The following ACTR8 variants were observed in gnomAD, a reference collection of about 807,000 sequenced individuals.
The protein encoded by ACTR8 is actin-related protein 8.
In ACTR8, 70 loss-of-function variants were observed where a neutral mutation model predicts 84.3. The ratio of observed to expected loss-of-function variants is 0.83; its 90% CI spans 0.68 to 1.01. The LOEUF is 1.01. ACTR8 is among the 50% of genes least tolerant of loss of function. ACTR8 has a pLI of 0.00. For synonymous variants in ACTR8, 268 were observed against 275.2 expected (o/e 0.97, Z 0.26); for missense variants, 672 against 775.4 (o/e 0.87, Z 1.58).
chr3:53,872,280 T>C, intron 10 of ACTR8, 104 bp downstream of exon 10: 1 of 1,253,454 alleles, frequency 8.0e-7, no homozygotes, highest in Middle Eastern at 2.1e-4. Flanking sequence ...ATATCAGTGT[T>C]ATTATGCTGG....
Position 53,877,392 on chromosome 3 carries a change from A to G in ACTR8, c.511-5T>C, listed in dbSNP as rs758388094. On this transcript the variant is annotated splice_polypyrimidine_tract_variant and splice_region_variant and intron_variant, in intron 4 of 12. Transcript: ENST00000335754. ...CAGTGGATTAACATACAAGGCCTAGAAAAGGAGGAGGGAGATGAGTACTTT... is the reference window on the plus strand; with the variant it reads ...CAGTGGATTAACATACAAGGCCTAGGAAAGGAGGAGGGAGATGAGTACTTT... 6.3e-7 allele frequency: 1 copy of G among 1,590,388 alleles called. No homozygotes were observed. The highest frequency in any genetic ancestry group is 2.2e-5 in the East Asian group (1 of 44,640).
At position 53,868,609 on chromosome 3, in the gene ACTR8, C is replaced by A; in HGVS notation, c.*110G>T. ...CATAAAGTTCAAATTCATTTACTGT[C>A]CATGACACTTAAGCATCCAGATCAA... On this transcript the variant is annotated 3_prime_UTR_variant, in exon 13 of 13. Transcript: ENST00000335754. 1 of 1,466,378 alleles carries A rather than the reference C, an allele frequency of 6.8e-7. No individual in the cohort carries two copies. The highest frequency in any genetic ancestry group is 1.4e-5 in the African/African-American group (1 of 70,650). The allele number at this position is 1,466,378 out of a possible 1,614,324, so 90.8% of individuals were successfully genotyped here.
chr3:53,861,826 G>T, the ACTR8 span, among the ~76,000 whole-genome samples: 1 of 152,200 alleles, frequency 6.6e-6, no homozygotes, highest in Non-Finnish European at 1.5e-5. Flanking sequence ...CAGTGCAGAT[G>T]AAAGTGTCCT....
the ACTR8 span, chr3:53,859,812 TCTCTA>T: frequency 1.0e-5 from 2 of 192,826 alleles, no homozygotes; most frequent in African/African-American, 4.7e-5. Flanking sequence ...ATTGGCAGAC[TCTCTA>T]AAGAGCTTCT....
chr3:53,873,605 C>T (rs571868977), intron 8 of ACTR8, among the ~76,000 whole-genome samples: 8 of 152,200 alleles, frequency 5.3e-5, no homozygotes, highest in Non-Finnish European at 1.2e-4. Flanking sequence ...TATTTACCTA[C>T]TATCTTCCTT....
At chr3:53,868,892 A>G (rs962148115) in intron 12 of ACTR8, 30 bp from the exon 13 acceptor site, 1 of 1,609,802 alleles carries the variant, frequency 6.2e-7, no homozygotes, top group Admixed American at 1.7e-5. Flanking sequence ...ATTTCAGCCT[A>G]ATCACATAAG....
At chr3:53,859,827 T>G in the ACTR8 span, 1 of 220,996 alleles carries the variant, frequency 4.5e-6, no homozygotes, top group African/African-American at 2.3e-5. Flanking sequence ...AAAGAGCTTC[T>G]GACTGATGGT....
chr3:53,877,629 T>C lies in ACTR8; in HGVS notation c.510+18A>G. 1.3e-6 allele frequency: 2 copies of C among 1,595,662 alleles called. No homozygotes were observed. The highest frequency in any genetic ancestry group is 8.6e-7 in the Non-Finnish European group (1 of 1,164,528). The stretch of plus-strand genomic sequence containing the variant: ...TCAGCTTCCCCTTCTTTCATTCTAT[T>C]GTAAAGAAGTTTCTTACCTCTTCTC... On this transcript the variant is annotated intron_variant, in intron 4 of 12. Coordinates refer to ENST00000335754, the MANE Select transcript of ACTR8 (RefSeq NM_022899.5).
In ACTR8 at chr3:53,880,115, G is replaced by C; in HGVS notation, c.124-6C>G. On this transcript the variant is annotated splice_polypyrimidine_tract_variant and splice_region_variant and intron_variant, in intron 1 of 12. Coordinates refer to ENST00000335754, the MANE Select transcript of ACTR8 (RefSeq NM_022899.5). ...ATGAAGTTGCTCTGGATTTGCTGCAGATATAAAACATAGATGTGTGACTTT... is the reference window on the plus strand; with the variant it reads ...ATGAAGTTGCTCTGGATTTGCTGCACATATAAAACATAGATGTGTGACTTT... 1 of 1,612,406 alleles carries C rather than the reference G, an allele frequency of 6.2e-7. No homozygotes were observed. The highest frequency in any genetic ancestry group is 8.5e-7 in the Non-Finnish European group (1 of 1,178,596).
In ACTR8 at chr3:53,877,406, G is replaced by A. The variant is rs192073933; in HGVS notation, c.511-19C>T. 2.2e-5 allele frequency: 35 copies of A among 1,571,968 alleles called. No homozygotes were observed. The Admixed American group carries it at 6.5e-4, about 29-fold the overall frequency. ...ACAAGGCCTAGAAAAGGAGGAGGGA[G>A]ATGAGTACTTTGTTAAAACTTTTCT... On this transcript the variant is annotated intron_variant, in intron 4 of 12. Coordinates refer to ENST00000335754, the MANE Select transcript of ACTR8 (RefSeq NM_022899.5).
the ACTR8 span, among the ~76,000 whole-genome samples, chr3:53,861,886 G>C: frequency 6.6e-6 from 1 of 152,184 alleles, no homozygotes; most frequent in Admixed American, 6.5e-5. Context: ...AGGAAGAGAA[G>C]CATGCATCAG....
chr3:53,877,485 G>A, intron 4 of ACTR8, 98 bp from the exon 5 acceptor site: 1 of 1,365,200 alleles, frequency 7.3e-7, no homozygotes, highest in South Asian at 1.4e-5. Context: ...TGCTGAATGT[G>A]AGAAATGTTG....
At chr3:53,879,541 G>GT in intron 2 of ACTR8, among the ~76,000 whole-genome samples, 1 of 151,954 alleles carries the variant, frequency 6.6e-6, no homozygotes, top group Non-Finnish European at 1.5e-5. Flanking sequence ...AGTGCTTATT[G>GT]TAACAATCTA....
In ACTR8 at chr3:53,876,082, T is replaced by TGGG. The variant is rs74580677; in HGVS notation, c.779-5_779-3dup. On this transcript the variant is annotated splice_region_variant and splice_polypyrimidine_tract_variant and intron_variant, in intron 6 of 12. Transcript: ENST00000335754. ...CAGACTCCTGATGGACCACAATCCC[T>TGGG]GGGGGGGGAAAAGAAAAGGCAGAGT... 39 of 1,578,994 alleles carry TGGG rather than the reference T, an allele frequency of 2.5e-5. No homozygotes were observed. The African/African-American group carries it at 3.7e-4, about 15-fold the overall frequency.
downstream of ACTR8, among the ~76,000 whole-genome samples, chr3:53,864,373 A>G (rs1202951125): frequency 3.9e-5 from 6 of 152,124 alleles, no homozygotes; most frequent in African/African-American, 7.2e-5. Flanking sequence ...CGTCTCTACT[A>G]AAAGTACAAA....
chr3:53,864,311 C>T (rs1375618666), downstream of ACTR8, among the ~76,000 whole-genome samples: 1 of 152,126 alleles, frequency 6.6e-6, no homozygotes, highest in Non-Finnish European at 1.5e-5. Flanking sequence ...CCCAGGCGGG[C>T]GGAACACGAG....
chr3:53,878,494 T>A (rs1407837607), intron 2 of ACTR8, 27 bp from the exon 3 acceptor site: 4 of 1,357,716 alleles, frequency 2.9e-6, no homozygotes, highest in Non-Finnish European at 4.2e-6. Context: ...AGATGAGCAG[T>A]ACAAAGGATT....
At chr3:53,860,162 C>T in the ACTR8 span, 1 of 1,614,126 alleles carries the variant, frequency 6.2e-7, no homozygotes, top group Admixed American at 1.7e-5. Context: ...GCTGCCTCTC[C>T]TCCTGCTGTC....
the ACTR8 span, chr3:53,861,536 AG>A: frequency 6.6e-6 from 1 of 152,260 alleles, no homozygotes; most frequent in African/African-American, 2.4e-5. Flanking sequence ...ATGTGGGTGC[AG>A]GATTGCTGTA....
Sources: allele counts gnomAD v4.1 joint callset (sites outside exome capture counted in the v4.1 genomes callset), GRCh38; gene constraint gnomAD v4.1.1; transcripts MANE v1.5; gene names NCBI Gene and HGNC (gene_info 2026-07-23, HGNC 2026-07-21).